Variants in TBCK observed in about 807,000 individuals in gnomAD.
TBCK encodes the protein TBC domain-containing protein kinase-like protein.
In TBCK, 99 loss-of-function variants were observed where a neutral mutation model predicts 113.4. The ratio of observed to expected loss-of-function variants is 0.87; its 90% CI spans 0.74 to 1.03. TBCK has a LOEUF of 1.03. Among genes scored for constraint, TBCK ranks in the 50% least tolerant of loss-of-function variants. The pLI is 0.00. For missense variants in TBCK, 1,045 were observed against 1,061.3 expected (o/e 0.98, Z 0.21); for synonymous variants, 369 against 370.8 (o/e 1.00, Z 0.05).
chr4:106,153,249 T>A (rs1012330889), intron 23 of TBCK, among the ~76,000 whole-genome samples: 2 of 152,076 alleles, frequency 1.3e-5, no homozygotes, highest in Non-Finnish European at 2.9e-5. Flanking sequence ...ATAGGTTTTA[T>A]GTTGTGTCGC....
intron 19 of TBCK, among the ~76,000 whole-genome samples, chr4:106,218,142 G>GTGCTGGGAAAACTGGCTAGCCA (rs1394943293): frequency 3.5e-5 from 5 of 143,760 alleles, no homozygotes; most frequent in African/African-American, 1.3e-4. Flanking sequence ...TTAATAAATG[G>GTGCTGGGAAAACTGGCTAGCCA]TGCTGGGAAA....
chr4:106,206,360 C>T (rs1579236104), intron 20 of TBCK, among the ~76,000 whole-genome samples: 1 of 152,276 alleles, frequency 6.6e-6, no homozygotes, highest in African/African-American at 2.4e-5. Flanking sequence ...CTATTAATAG[C>T]CACTTTGATT....
rs1450644219 is a variant in TBCK, at chr4:106,136,604, A to C, written c.2236-20226T>G. ...GTATGCTGAAGAAATCCTCTCATTT[A>C]AAGTCTTTTTATTCTCCCCCTCCCC... is the stretch of plus-strand genomic sequence containing the variant. On this transcript the variant is annotated intron_variant, in intron 23 of 25. Coordinates refer to ENST00000394708, the MANE Select transcript of TBCK (RefSeq NM_001163435.3). Among the ~76,000 whole-genome samples the C allele has an allele frequency of 2.1e-5, 3 of 140,922 alleles. 1 individual carries two copies. 92.5% of individuals were successfully genotyped at this position (140,922 alleles called of 152,430 possible).
intron 6 of TBCK, 89 bp downstream of exon 6, chr4:106,251,777 A>C (rs1761451361): frequency 8.5e-7 from 1 of 1,175,220 alleles, no homozygotes; most frequent in Non-Finnish European, 1.1e-6. Context: ...GTACAGCAAA[A>C]ACATACTATT....
At chr4:106,181,301 T>C (rs1482803919) in intron 22 of TBCK, among the ~76,000 whole-genome samples, 1 of 152,202 alleles carries the variant, frequency 6.6e-6, no homozygotes, top group Non-Finnish European at 1.5e-5. Context: ...GCAAAAATTT[T>C]CTCCCATTCT....
At chr4:106,316,405 C>G, upstream of TBCK, 1 of 747,464 alleles carries the variant, frequency 1.3e-6, no homozygotes, top group Non-Finnish European at 2.3e-6. Flanking sequence ...AGACGAGGAG[C>G]GTGGTATGGC....
intron 25 of TBCK, among the ~76,000 whole-genome samples, chr4:106,091,047 C>G (rs1479230608): frequency 6.6e-6 from 1 of 152,140 alleles, no homozygotes; most frequent in South Asian, 2.1e-4. Context: ...TACCAATTAT[C>G]TGTGTTAGTT....
chr4:106,265,163 C>T lies in TBCK; in HGVS notation c.267-2951G>A, dbSNP rs191492940. On this transcript the variant is annotated intron_variant, in intron 3 of 25. Transcript: ENST00000394708. ...ATATTCACAAGGAAAATTTGATTTG[C>T]TACATCTTTCACTGTTTTCTCTCTC... 5.0e-4 allele frequency among the ~76,000 whole-genome samples: 76 copies of T among 152,008 alleles called. No individual in the cohort carries two copies. The East Asian group carries it at 8.1e-3, about 16-fold the overall frequency.
chr4:106,197,990 T>C (rs1468960926), intron 20 of TBCK, among the ~76,000 whole-genome samples: 1 of 152,158 alleles, frequency 6.6e-6, no homozygotes, highest in Non-Finnish European at 1.5e-5. Context: ...TTTAGCCAAA[T>C]TGATTTTTCT....
intron 23 of TBCK, among the ~76,000 whole-genome samples, chr4:106,143,160 T>C (rs1747332232): frequency 6.6e-6 from 1 of 152,198 alleles, no homozygotes; most frequent in Non-Finnish European, 1.5e-5. Flanking sequence ...ATCTCTTTCT[T>C]TTCTTCCCCA....
intron 19 of TBCK, among the ~76,000 whole-genome samples, chr4:106,220,326 C>T (rs938034438): frequency 2.0e-5 from 3 of 152,146 alleles, no homozygotes; most frequent in Non-Finnish European, 4.4e-5. Flanking sequence ...CTGCCGCTGC[C>T]ATGTAAGAAG....
intron 24 of TBCK, 125 bp downstream of exon 24, chr4:106,116,077 GT>G (rs1307036707): frequency 1.6e-5 from 13 of 830,098 alleles, no homozygotes; most frequent in Non-Finnish European, 2.1e-5. Context: ...CAGTTTGAGA[GT>G]AATTTAACTA....
intron 25 of TBCK, among the ~76,000 whole-genome samples, chr4:106,069,510 G>C (rs1411661633): frequency 6.6e-6 from 1 of 151,940 alleles, no homozygotes; most frequent in Non-Finnish European, 1.5e-5. Context: ...CTATATCTCT[G>C]TTTTGGTACC....
intron 22 of TBCK, among the ~76,000 whole-genome samples, chr4:106,177,464 C>T (rs747248727): frequency 3.3e-5 from 5 of 151,786 alleles, no homozygotes; most frequent in Admixed American, 6.6e-5. Flanking sequence ...AGTTTCATGT[C>T]TTACATTTAA....
In TBCK at chr4:106,086,836, T is replaced by A. The variant is rs561867849; in HGVS notation, c.2571+8646A>T. Among the ~76,000 whole-genome samples the A allele has an allele frequency of 5.3e-5, 8 of 152,266 alleles. No individual in the cohort carries two copies. In the South Asian group the frequency reaches 1.5e-3, roughly 28 times the overall value. On this transcript the variant is annotated intron_variant, in intron 25 of 25. Coordinates refer to ENST00000394708, the MANE Select transcript of TBCK (RefSeq NM_001163435.3). ...AACCAAACCAAAGACAAAAATCACA[T>A]GATTATGTCAACAGATGCAGAAAAG...
chr4:106,206,842 T>G (rs1187292081), intron 20 of TBCK, among the ~76,000 whole-genome samples: 3 of 152,202 alleles, frequency 2.0e-5, no homozygotes, highest in African/African-American at 7.2e-5. Flanking sequence ...TAGTTAAATG[T>G]CAATGGCTTT....
intron 3 of TBCK, among the ~76,000 whole-genome samples, chr4:106,267,947 T>C (rs934685062): frequency 6.6e-6 from 1 of 152,012 alleles, no homozygotes; most frequent in Non-Finnish European, 1.5e-5. Flanking sequence ...GGTTTTCATC[T>C]AACCCCAGCC....
At chr4:106,260,185 T>C (rs1284170307) in intron 5 of TBCK, among the ~76,000 whole-genome samples, 2 of 151,856 alleles carry the variant, frequency 1.3e-5, no homozygotes, top group East Asian at 3.8e-4. Context: ...AATTAGGAAA[T>C]ATTATAATGT....
intron 2 of TBCK, among the ~76,000 whole-genome samples, chr4:106,306,263 T>TC (rs1767513872): frequency 6.8e-6 from 1 of 147,944 alleles, no homozygotes; most frequent in Admixed American, 6.7e-5. Context: ...TTTTTTTTTT[T>TC]TGGTAGAGAC....
Sources: gnomAD v4.1 joint callset for allele counts (sites outside exome capture counted in the v4.1 genomes callset) on GRCh38, gnomAD v4.1.1 for gene constraint, MANE v1.5 for transcripts, NCBI Gene and HGNC (gene_info 2026-07-23, HGNC 2026-07-21) for gene names.